KNDC1: variants seen among roughly 807,000 people sequenced by gnomAD.
KNDC1 encodes the protein kinase non-catalytic C-lobe domain containing 1, also known as kinase non-catalytic C-lobe domain-containing protein 1.
A neutral mutation model predicts 172.8 loss-of-function variants in KNDC1; 106 were observed. The ratio of observed to expected loss-of-function variants is 0.61; its 90% confidence interval spans 0.52 to 0.72. KNDC1 has a LOEUF of 0.72. Ranked by LOEUF, KNDC1 falls within the 30% of genes least tolerant of loss-of-function variation. KNDC1 has a pLI of 0.00. For synonymous variants in KNDC1, 1,083 were observed against 1,062.2 expected (o/e 1.02, Z -0.38); for missense variants, 2,325 against 2,394.5 (o/e 0.97, Z 0.61).
rs1564886306 is a variant in KNDC1, at chr10:133,189,683, T to C, written c.1513+14T>C. ...CCCCTGCCAACGGTGAGTGTGTGGG[T>C]TCCCCTCAGGCCGAGTCCAGCACCG... is the stretch of plus-strand genomic sequence containing the variant. On this transcript the variant is annotated intron_variant, in intron 8 of 29. Coordinates refer to ENST00000304613, the MANE Select transcript of KNDC1 (RefSeq NM_152643.8). 2 of 1,613,954 alleles carry C rather than the reference T, an allele frequency of 1.2e-6. No individual in the cohort carries two copies. The highest frequency in any genetic ancestry group is 1.7e-6 in the Non-Finnish European group (2 of 1,179,934).
In KNDC1 at chr10:133,186,261, G is replaced by A. The variant is rs1448525852; in HGVS notation, c.913G>A (p.Val305Met). The A allele has an allele frequency of 3.7e-6, 6 of 1,607,354 alleles. No individual in the cohort carries two copies. In the Admixed American group the frequency reaches 1.0e-4, roughly 27 times the overall value. Residue 305 changes from valine to methionine, a missense_variant, in exon 6 of 30, where the codon GTG becomes ATG. Physicochemically the swap from Val to Met is conservative, Grantham distance 21. Coordinates refer to ENST00000304613, the MANE Select transcript of KNDC1 (RefSeq NM_152643.8). ...DALRRSRLRK[V>M]QTFPRLLSDS... ...CCTCAGGAGAAGCCGCCTGCGGAAG[G>A]TGCAGACGTTCCCTAGGCTGCTGTC...
chr10:133,196,599 G>A (rs1295520682), intron 10 of KNDC1, among the ~76,000 whole-genome samples: 1 of 152,234 alleles, frequency 6.6e-6, no homozygotes, highest in Non-Finnish European at 1.5e-5. Flanking sequence ...GCTGCAGGAG[G>A]ATGAGATCTA....
rs547292957 is a variant in KNDC1, at chr10:133,210,046, C to T, written c.3795-565C>T. On this transcript the variant is annotated intron_variant, in intron 20 of 29. Transcript: ENST00000304613. ...CAGCTTCCCGAGCTAACGGGTCCTG[C>T]GAGTGGAGACGTCACAAAGCCCTGC... Among the ~76,000 whole-genome samples the T allele has an allele frequency of 1.6e-4, 25 of 152,188 alleles. 1 individual carries two copies. Among genetic ancestry groups the T allele is most frequent in the African/African-American group, 4.8e-4 (20 of 41,530 alleles).
chr10:133,220,194 C>CG, intron 29 of KNDC1, 82 bp downstream of exon 29: 1 of 988,328 alleles, frequency 1.0e-6, no homozygotes, highest in South Asian at 2.0e-5. Flanking sequence ...GGGGCTCAGG[C>CG]GGCCGCGCGC....
chr10:133,196,809 T>G (rs1392562244), intron 10 of KNDC1, among the ~76,000 whole-genome samples: 2 of 152,098 alleles, frequency 1.3e-5, no homozygotes, highest in African/African-American at 4.8e-5. Context: ...GGCTACCAGG[T>G]CTGTGGCCAA....
At chr10:133,215,710 G>A (rs1845457191) in intron 26 of KNDC1, among the ~76,000 whole-genome samples, 1 of 152,246 alleles carries the variant, frequency 6.6e-6, no homozygotes, top group Non-Finnish European at 1.5e-5. Flanking sequence ...GTGGAGGACT[G>A]CCCCTCCCAG....
chr10:133,185,859 GTGGGAGGGGAGGGGT>G, intron 5 of KNDC1, 100 bp from the exon 6 acceptor site: 1 of 302,188 alleles, frequency 3.3e-6, no homozygotes, highest in Non-Finnish European at 5.8e-6. Flanking sequence ...GAGGGGAGAG[GTGGGAGGGGAGGGGT>G]GGGAGGAGAG....
At chr10:133,217,626 G>A (rs1158193049) in intron 26 of KNDC1, among the ~76,000 whole-genome samples, 1 of 151,984 alleles carries the variant, frequency 6.6e-6, no homozygotes, top group Admixed American at 6.6e-5. Context: ...AGATCATGAG[G>A]TCAGGAGTTC....
intron 1 of KNDC1, among the ~76,000 whole-genome samples, chr10:133,162,013 G>A (rs947121015): frequency 2.6e-5 from 4 of 152,134 alleles, no homozygotes; most frequent in African/African-American, 4.8e-5. Flanking sequence ...CAGTGTCCTC[G>A]GGCCGGCCGG....
chr10:133,199,697 A>C, intron 15 of KNDC1, 95 bp downstream of exon 15: 2 of 1,417,720 alleles, frequency 1.4e-6, no homozygotes, highest in Non-Finnish European at 1.9e-6. Context: ...TTCCCCTCCC[A>C]ACCCTCCGCT....
intron 10 of KNDC1, 138 bp downstream of exon 10, chr10:133,195,959 T>C (rs939800411): frequency 2.2e-6 from 2 of 902,760 alleles, no homozygotes; most frequent in Non-Finnish European, 3.2e-6. Flanking sequence ...TCTAGGTCCC[T>C]GTTTCTAGAC....
intron 17 of KNDC1, among the ~76,000 whole-genome samples, chr10:133,204,941 G>T (rs1854481096): frequency 6.8e-6 from 1 of 147,656 alleles, no homozygotes; most frequent in Non-Finnish European, 1.5e-5. Context: ...CAGTCCCCCT[G>T]AAGACCTGCT....
In KNDC1 at chr10:133,222,010, G is replaced by A. The variant is rs926685105; in HGVS notation, c.5018+1898G>A. Reference sequence around the variant, plus strand: ...CTGTAACCCTAGGTGGGCCGGGCGCGGTGGCTCACGCCAGTAACTCTAACA... The same window carrying A: ...CTGTAACCCTAGGTGGGCCGGGCGCAGTGGCTCACGCCAGTAACTCTAACA... On this transcript the variant is annotated intron_variant, in intron 29 of 29. Coordinates refer to ENST00000304613, the MANE Select transcript of KNDC1 (RefSeq NM_152643.8). Among the ~76,000 whole-genome samples the A allele has an allele frequency of 6.3e-4, 94 of 149,300 alleles. 20 individuals carry two copies. Among genetic ancestry groups the A allele is most frequent in the Admixed American group, 2.5e-3 (37 of 14,918 alleles).
rs547247943 is a variant in KNDC1 at position 133,225,178 on chromosome 10, G to A, written c.*288G>A. The A allele has an allele frequency of 3.4e-5, 13 of 387,802 alleles. No homozygotes were observed. The highest frequency in any genetic ancestry group is 5.8e-5 in the Non-Finnish European group (12 of 205,474). 24.0% of individuals were successfully genotyped at this position (387,802 alleles called of 1,614,324 possible). ...AATGAAAATGAAAGACAGCTTCCCA[G>A]GAGTTTTGTGCCTGTCTGCGCCTCT... On this transcript the variant is annotated 3_prime_UTR_variant, in exon 30 of 30. Transcript: ENST00000304613.
Position 133,209,688 on chromosome 10 carries a change from C to T in KNDC1, c.3795-923C>T, listed in dbSNP as rs1232539071. Among the ~76,000 whole-genome samples the T allele has an allele frequency of 6.6e-6, 1 of 152,050 alleles. No homozygotes were observed. The highest frequency in any genetic ancestry group is 1.5e-5 in the Non-Finnish European group (1 of 67,980). Reference sequence around the variant, plus strand: ...CTGGCCGTGATGTGGTCACGAGGGGCTTCCCCGCTCTGTGGACCTGGTGGG... The same window carrying T: ...CTGGCCGTGATGTGGTCACGAGGGGTTTCCCCGCTCTGTGGACCTGGTGGG... On this transcript the variant is annotated intron_variant, in intron 20 of 29. Transcript: ENST00000304613. The surrounding 1 kb of genome is among the most constrained non-coding windows in gnomAD (Gnocchi z 4.9).
chr10:133,171,751 T>C (rs997165239), intron 3 of KNDC1, among the ~76,000 whole-genome samples: 15 of 151,908 alleles, frequency 9.9e-5, no homozygotes, highest in Admixed American at 1.3e-4. Flanking sequence ...GCTGAGACTG[T>C]AGGCACACGC....
intron 1 of KNDC1, chr10:133,167,079 C>T: frequency 4.3e-6 from 2 of 462,606 alleles, no homozygotes; most frequent in Non-Finnish European, 7.9e-6. Flanking sequence ...CTCCACGGAG[C>T]AGGTGACCCA....
chr10:133,216,320 C>T lies in KNDC1; in HGVS notation c.4677+2198C>T, dbSNP rs557183424. 8.7e-5 allele frequency among the ~76,000 whole-genome samples: 13 copies of T among 150,192 alleles called. No homozygotes were observed. In the East Asian group the frequency reaches 2.4e-3, roughly 27 times the overall value. Reference sequence around the variant, plus strand: ...CAATGTCTTGGTGGCACCGTTTAGACGACGTCTGGAGGGAGACAAGGTGGA... The same window carrying T: ...CAATGTCTTGGTGGCACCGTTTAGATGACGTCTGGAGGGAGACAAGGTGGA... On this transcript the variant is annotated intron_variant, in intron 26 of 29. Coordinates refer to ENST00000304613, the MANE Select transcript of KNDC1 (RefSeq NM_152643.8).
chr10:133,213,978 C>G lies in KNDC1; in HGVS notation c.4533C>G (p.Ser1511Arg). 6.2e-7 allele frequency: 1 copy of G among 1,614,172 alleles called. No homozygotes were observed. Among genetic ancestry groups the G allele is most frequent in the Non-Finnish European group, 8.5e-7 (1 of 1,179,984 alleles). ...GACCATATTTCTCTTCCAGAGCCAG[C>G]TCTTCTGAGTCTCTTTCGGCCAAAA... is the stretch of plus-strand genomic sequence containing the variant. ...MDKSTAIPKA[S>R]SSESLSAKTC... Residue 1511 changes from serine (S) to arginine (R), a missense_variant, in exon 26 of 30, where the codon AGC becomes AGG. Coordinates refer to ENST00000304613, the MANE Select transcript of KNDC1 (RefSeq NM_152643.8).
Sources: gnomAD v4.1 joint callset for allele counts (sites outside exome capture counted in the v4.1 genomes callset) on GRCh38, gnomAD v4.1.1 for gene constraint, Gnocchi (gnomAD v3.1) non-coding constraint, MANE v1.5 for transcripts, NCBI Gene and HGNC (gene_info 2026-07-23, HGNC 2026-07-21) for gene names.